EEF1AKMT2: variants seen among roughly 807,000 people sequenced by gnomAD.
EEF1AKMT2 encodes eukaryotic translation elongation factor 1 alpha lysine methyltransferase 2.
EEF1AKMT2 carries 32 observed loss-of-function variants against 35.8 expected under a neutral mutation model. The observed-to-expected ratio is 0.89, with a 90% CI of 0.67 to 1.20. EEF1AKMT2 has a LOEUF of 1.20. Ranked by LOEUF, EEF1AKMT2 falls within the 50% of genes most tolerant of loss-of-function variation. The probability of loss-of-function intolerance (pLI) is 0.00; values close to 1 mark genes in which losing one functional copy is unlikely to be tolerated. For synonymous variants in EEF1AKMT2, 121 were observed against 133.7 expected (o/e 0.91, Z 0.65); for missense variants, 330 against 347.5 (o/e 0.95, Z 0.40).
At chr10:124,790,789 G>A (rs983938902) in intron 1 of EEF1AKMT2, among the ~76,000 whole-genome samples, 7 of 151,926 alleles carry the variant, frequency 4.6e-5, no homozygotes, top group Admixed American at 2.6e-4. Context: ...TTTTTGAGAC[G>A]GAGTCACGCT....
rs1464547441 is a variant in EEF1AKMT2 at position 124,762,533 on chromosome 10, C to T, written c.642G>A (p.Trp214Ter). 2 of 1,251,730 alleles carry T rather than the reference C, an allele frequency of 1.6e-6. No homozygotes were observed. Among genetic ancestry groups the T allele is most frequent in the South Asian group, 1.4e-5 (1 of 73,882 alleles). 77.5% of individuals were successfully genotyped at this position (1,251,730 alleles called of 1,614,324 possible). A position where few individuals can be genotyped will look rare whatever the true frequency, so the allele number is the denominator to read the frequency against. Reference protein sequence around the residue: ...SEGWSTVAGFWLTAALTSWAQ... With the variant: ...SEGWSTVAGF ...CCCAGGAAGTCAAGGCTGCAGTGAG[C>T]CAAAATCCTGCCACTGTACTCCAAC... Residue 214 changes from tryptophan to a stop codon, truncating the protein, a stop_gained, in exon 6 of 7, where the codon TGG becomes TGA. Transcript: ENST00000368836. LOFTEE classifies it high-confidence loss of function.
chr10:124,785,050 C>A (rs1225360440), intron 3 of EEF1AKMT2, among the ~76,000 whole-genome samples: 1 of 151,434 alleles, frequency 6.6e-6, no homozygotes, highest in Non-Finnish European at 1.5e-5. Flanking sequence ...CATTTTAGAC[C>A]ATCCTGGCCA....
chr10:124,791,621 G>T, intron 1 of EEF1AKMT2, 103 bp downstream of exon 1: 2 of 1,490,666 alleles, frequency 1.3e-6, no homozygotes, highest in Non-Finnish European at 1.8e-6. Context: ...CGCCCCCGAG[G>T]GTCTCCCTGT....
intron 6 of EEF1AKMT2, among the ~76,000 whole-genome samples, chr10:124,761,898 G>C (rs950994672): frequency 5.9e-5 from 9 of 152,124 alleles, no homozygotes; most frequent in African/African-American, 2.2e-4. Context: ...CTCCAGCCTG[G>C]GCAACAGAGC....
At chr10:124,767,876 A>C (rs2885754) in intron 4 of EEF1AKMT2, among the ~76,000 whole-genome samples, 113,373 of 152,094 alleles carry the variant, frequency 0.75, 42,407 homozygotes, top group South Asian at 0.85. Flanking sequence ...ATCCCAGCTA[A>C]TCGGGAGGCT....
intron 2 of EEF1AKMT2, among the ~76,000 whole-genome samples, chr10:124,789,783 A>C (rs1589795873): frequency 6.6e-6 from 1 of 151,916 alleles, no homozygotes; most frequent in South Asian, 2.1e-4. Flanking sequence ...AAAGTAAAAA[A>C]TTAAAAAAGA....
At chr10:124,757,231 A>T (rs1404524754), downstream of EEF1AKMT2, among the ~76,000 whole-genome samples, 1 of 150,614 alleles carries the variant, frequency 6.6e-6, no homozygotes, top group East Asian at 2.0e-4. Context: ...ACTACTGTGG[A>T]ACACAAGACA....
Position 124,769,902 on chromosome 10 carries a change from C to T in EEF1AKMT2, c.400-4294G>A, listed in dbSNP as rs570557089. Among the ~76,000 whole-genome samples, 523 of 137,806 alleles carry T rather than the reference C, an allele frequency of 3.8e-3. 3 individuals are homozygous for T. The highest frequency in any genetic ancestry group is 0.013 in the African/African-American group (486 of 37,316). The allele number at this position is 137,806 out of a possible 152,430, so 90.4% of individuals were successfully genotyped here. ...CAGAGGTTGTGGTGAGCCGAGATCA[C>T]ACCATTGCATTCCAGCCAGGGCAAC... On this transcript the variant is annotated intron_variant, in intron 4 of 6. Coordinates refer to ENST00000368836, the MANE Select transcript of EEF1AKMT2 (RefSeq NM_212554.4).
At chr10:124,783,297 C>T (rs965232941) in intron 3 of EEF1AKMT2, among the ~76,000 whole-genome samples, 13 of 151,880 alleles carry the variant, frequency 8.6e-5, no homozygotes, top group African/African-American at 3.1e-4. Flanking sequence ...CAAACACCAC[C>T]ACGTCTGGCT....
At chr10:124,756,724 T>A (rs906177723), downstream of EEF1AKMT2, among the ~76,000 whole-genome samples, 1 of 152,204 alleles carries the variant, frequency 6.6e-6, no homozygotes, top group Non-Finnish European at 1.5e-5. Flanking sequence ...TTCTTACCCG[T>A]CGCTTTTCAG....
In EEF1AKMT2 at chr10:124,789,041, A is replaced by G; in HGVS notation, c.291+2T>C. 6.2e-7 allele frequency: 1 copy of G among 1,605,584 alleles called. No individual in the cohort carries two copies. Among genetic ancestry groups the G allele is most frequent in the South Asian group, 1.1e-5 (1 of 89,302 alleles). On this transcript the variant is annotated splice_donor_variant, in intron 3 of 6. Transcript: ENST00000368836. LOFTEE classifies it high-confidence loss of function. ...TAACAAACAAATACTAAAAGTACCA[A>G]CAAGTTCAACCAGGAAAACACCATT... is the stretch of plus-strand genomic sequence containing the variant.
At chr10:124,757,080 C>T (rs1225856997), downstream of EEF1AKMT2, among the ~76,000 whole-genome samples, 1 of 151,966 alleles carries the variant, frequency 6.6e-6, no homozygotes, top group African/African-American at 2.4e-5. Context: ...CTTCACCTCC[C>T]ACAATCAAGC....
At chr10:124,767,985 T>G (rs1950394318) in intron 4 of EEF1AKMT2, among the ~76,000 whole-genome samples, 1 of 151,992 alleles carries the variant, frequency 6.6e-6, no homozygotes, top group Non-Finnish European at 1.5e-5. Flanking sequence ...AAACTCCATC[T>G]CAAAAAATAA....
chr10:124,791,836 C>A lies in EEF1AKMT2; in HGVS notation c.-3G>T, dbSNP rs1245094793. ...CCGCCGTCAGCGCCCGAGCTCATTT[C>A]GCTCCACGTCCTGGACGGCCGTTGG... On this transcript the variant is annotated 5_prime_UTR_variant, in exon 1 of 7. Coordinates refer to ENST00000368836, the MANE Select transcript of EEF1AKMT2 (RefSeq NM_212554.4). The A allele has an allele frequency of 1.9e-6, 3 of 1,570,002 alleles. No homozygotes were observed. Among genetic ancestry groups the A allele is most frequent in the East Asian group, 2.3e-5 (1 of 42,790 alleles).
chr10:124,772,428 T>C (rs1430541996), intron 4 of EEF1AKMT2, among the ~76,000 whole-genome samples: 11 of 110,540 alleles, frequency 1.0e-4, no homozygotes, highest in Admixed American at 5.4e-4. Context: ...TTCTTTTTTT[T>C]TTTTTTTTTT....
chr10:124,764,202 G>T (rs1950357496), intron 5 of EEF1AKMT2, among the ~76,000 whole-genome samples: 1 of 151,280 alleles, frequency 6.6e-6, no homozygotes, highest in African/African-American at 2.4e-5. Flanking sequence ...CCATTAGCTT[G>T]TGACAACTGA....
Position 124,782,456 on chromosome 10 carries a change from C to T in EEF1AKMT2, c.291+6587G>A, listed in dbSNP as rs200444040. ...AATTAGCCGGGCGTGGTAGCGGGCG[C>T]CTGTAGTCCCAGCTACTCGGGAGGC... On this transcript the variant is annotated intron_variant, in intron 3 of 6. Coordinates refer to ENST00000368836, the MANE Select transcript of EEF1AKMT2 (RefSeq NM_212554.4). 1.5e-3 allele frequency among the ~76,000 whole-genome samples: 233 copies of T among 151,826 alleles called. 1 individual carries two copies. The Middle Eastern group carries it at 0.02, about 13-fold the overall frequency.
At chr10:124,761,539 A>T (rs1257538557) in intron 6 of EEF1AKMT2, among the ~76,000 whole-genome samples, 1 of 152,064 alleles carries the variant, frequency 6.6e-6, no homozygotes, top group Non-Finnish European at 1.5e-5. Context: ...AGTATGGTTT[A>T]AAAAAAATTA....
intron 2 of EEF1AKMT2, 148 bp downstream of exon 2, chr10:124,790,125 C>T: frequency 3.4e-6 from 2 of 583,768 alleles, no homozygotes; most frequent in East Asian, 6.5e-5. Context: ...TATCTCCTGA[C>T]CTCGTGATCT....
Sources: gnomAD v4.1 joint callset for allele counts (sites outside exome capture counted in the v4.1 genomes callset) on GRCh38, gnomAD v4.1.1 for gene constraint, MANE v1.5 for transcripts, NCBI Gene and HGNC (gene_info 2026-07-23, HGNC 2026-07-21) for gene names.